CFAP96: variants seen among roughly 807,000 people sequenced by gnomAD.
CFAP96 encodes the protein cilia-and flagella-associated protein 96.
chr4:185,431,209 C>CAAA, the CFAP96 span, among the ~76,000 whole-genome samples: 25 of 88,566 alleles, frequency 2.8e-4, no homozygotes, highest in African/African-American at 9.7e-4. Context: ...GACTCCGTCT[C>CAAA]AAAAAAAAAA....
chr4:185,442,834 TGTC>T, the CFAP96 span, among the ~76,000 whole-genome samples: 1 of 152,206 alleles, frequency 6.6e-6, no homozygotes, highest in Non-Finnish European at 1.5e-5. Flanking sequence ...ACTTTTTACT[TGTC>T]ATAAGCTGAA....
At chr4:185,445,411 T>C in the CFAP96 span, 3 of 939,262 alleles carry the variant, frequency 3.2e-6, no homozygotes, top group Admixed American at 6.8e-5. Flanking sequence ...TATGAGTCAT[T>C]TGAGATGAGT....
At chr4:185,443,447 C>T in the CFAP96 span, among the ~76,000 whole-genome samples, 2 of 145,896 alleles carry the variant, frequency 1.4e-5, no homozygotes, top group Non-Finnish European at 3.0e-5. Flanking sequence ...AGGTTCAATT[C>T]AAGCGATTCC....
At chr4:185,429,013 G>A in the CFAP96 span, among the ~76,000 whole-genome samples, 51 of 152,272 alleles carry the variant, frequency 3.3e-4, no homozygotes, top group African/African-American at 1.2e-3. Context: ...CTCAAAAGAA[G>A]GATTTGTTTA....
the CFAP96 span, chr4:185,445,014 T>C: frequency 6.4e-7 from 1 of 1,551,566 alleles, no homozygotes; most frequent in Non-Finnish European, 8.7e-7. Flanking sequence ...CACATTCTGC[T>C]GACCCTTATG....
the CFAP96 span, among the ~76,000 whole-genome samples, chr4:185,416,876 A>G: frequency 2.0e-5 from 3 of 152,204 alleles, no homozygotes; most frequent in African/African-American, 2.4e-5. Context: ...GATAATACAA[A>G]AGGAAATGAC....
chr4:185,419,559 C>T, the CFAP96 span, among the ~76,000 whole-genome samples: 1 of 152,228 alleles, frequency 6.6e-6, no homozygotes, highest in African/African-American at 2.4e-5. Context: ...TATCTCTCAT[C>T]CAGCTTCCTT....
At chr4:185,429,507 T>A in the CFAP96 span, 1 of 1,508,232 alleles carries the variant, frequency 6.6e-7, no homozygotes, top group Non-Finnish European at 8.9e-7. Context: ...TGTCACAATT[T>A]AATCGTAAGT....
the CFAP96 span, among the ~76,000 whole-genome samples, chr4:185,426,704 A>G: frequency 6.6e-6 from 1 of 152,168 alleles, no homozygotes; most frequent in Non-Finnish European, 1.5e-5. Context: ...AAATAAGTGA[A>G]TGAATAATTT....
At chr4:185,421,854 T>C in the CFAP96 span, among the ~76,000 whole-genome samples, 1 of 152,316 alleles carries the variant, frequency 6.6e-6, no homozygotes, top group Non-Finnish European at 1.5e-5. Context: ...GACATTACAT[T>C]CTCTAGCTCC....
At chr4:185,428,606 TAAAAC>T in the CFAP96 span, among the ~76,000 whole-genome samples, 1 of 150,746 alleles carries the variant, frequency 6.6e-6, no homozygotes, top group Non-Finnish European at 1.5e-5. Flanking sequence ...GACTCTGTCT[TAAAAC>T]AATTAATTTC....
chr4:185,418,047 AACACAC>A, the CFAP96 span, among the ~76,000 whole-genome samples: 1 of 142,954 alleles, frequency 7.0e-6, no homozygotes, highest in Non-Finnish European at 1.5e-5. Context: ...TCCATCTCAA[AACACAC>A]ACACACACAC....
chr4:185,414,070 T>A, the CFAP96 span, among the ~76,000 whole-genome samples: 3 of 152,236 alleles, frequency 2.0e-5, no homozygotes, highest in Non-Finnish European at 4.4e-5. Flanking sequence ...CGTTTACGTC[T>A]GTATCTGGGT....
chr4:185,415,986 A>G, the CFAP96 span: 1 of 770,110 alleles, frequency 1.3e-6, no homozygotes, highest in East Asian at 2.9e-5. Context: ...AGACTAGCCA[A>G]GTACAGTAGT....
chr4:185,434,470 A>C, the CFAP96 span, among the ~76,000 whole-genome samples: 3 of 152,162 alleles, frequency 2.0e-5, no homozygotes, highest in Middle Eastern at 0.01. Flanking sequence ...GCCTGTGATA[A>C]ACTTTGACTC....
the CFAP96 span, chr4:185,418,720 T>G: frequency 6.2e-7 from 1 of 1,613,568 alleles, no homozygotes; most frequent in Non-Finnish European, 8.5e-7. Context: ...GAAGACAGCT[T>G]AGTTGACAGG....
At chr4:185,436,078 G>A in the CFAP96 span, 2 of 1,550,444 alleles carry the variant, frequency 1.3e-6, no homozygotes, top group Non-Finnish European at 1.7e-6. Context: ...GGAACAATAG[G>A]TGGTCCAGTC....
chr4:185,433,510 A>T, the CFAP96 span, among the ~76,000 whole-genome samples: 1 of 150,724 alleles, frequency 6.6e-6, no homozygotes, highest in Admixed American at 6.6e-5. Context: ...GTGCTTATTT[A>T]CTGTGTTTTT....
At chr4:185,426,577 T>C in the CFAP96 span, among the ~76,000 whole-genome samples, 7 of 152,216 alleles carry the variant, frequency 4.6e-5, no homozygotes, top group Non-Finnish European at 1.5e-5. Context: ...TCGGCTATGC[T>C]CTATTTTCTT....
Sources: gnomAD v4.1 joint callset for allele counts (sites outside exome capture counted in the v4.1 genomes callset) on GRCh38, gnomAD v4.1.1 for gene constraint, MANE v1.5 for transcripts, NCBI Gene and HGNC (gene_info 2026-07-23, HGNC 2026-07-21) for gene names.